The following CABLES1 variants were observed in gnomAD, a reference collection of about 807,000 sequenced individuals.
CABLES1 encodes Cdk5 and Abl enzyme substrate 1.
CABLES1 carries 36 observed loss-of-function variants against 57.8 expected under a neutral mutation model. The ratio of observed to expected loss-of-function variants is 0.62; its 90% CI spans 0.48 to 0.82. CABLES1 has a LOEUF of 0.82. CABLES1 is among the 40% of genes least tolerant of loss of function. The pLI, the probability that CABLES1 is intolerant of heterozygous loss-of-function variation, is 0.00. For missense variants in CABLES1, 767 were observed against 836.6 expected (o/e 0.92, Z 1.03); for synonymous variants, 374 against 363.0 (o/e 1.03, Z -0.35).
intron 2 of CABLES1, among the ~76,000 whole-genome samples, chr18:23,193,905 G>T (rs1392472033): frequency 6.6e-6 from 1 of 152,126 alleles, no homozygotes; most frequent in African/African-American, 2.4e-5. Context: ...CAACTAGTTG[G>T]GTCTCTGATT....
rs1037122600 is a variant in CABLES1, at chr18:23,180,085, A to AT, written c.846-8743dup. ...AGGCGCCCGCCACCACGCCCGGCTAATTTTTTTTTTAATTTTTAGTAGAGA... is the reference window on the plus strand; with the variant it reads ...AGGCGCCCGCCACCACGCCCGGCTAATTTTTTTTTTTAATTTTTAGTAGAGA... On this transcript the variant is annotated intron_variant, in intron 1 of 9. Transcript: ENST00000256925. Among the ~76,000 whole-genome samples the AT allele has an allele frequency of 9.4e-5, 14 of 149,658 alleles. 1 individual carries two copies. Among genetic ancestry groups the AT allele is most frequent in the South Asian group, 2.1e-4 (1 of 4,686 alleles).
intron 3 of CABLES1, among the ~76,000 whole-genome samples, chr18:23,206,817 CTTTT>C (rs774150949): frequency 1.5e-5 from 2 of 137,358 alleles, no homozygotes; most frequent in Non-Finnish European, 1.6e-5. Flanking sequence ...GTTTGTGCAC[CTTTT>C]TTTTTTTTTT....
At chr18:23,146,994 T>A (rs1291338939) in intron 1 of CABLES1, among the ~76,000 whole-genome samples, 1 of 152,202 alleles carries the variant, frequency 6.6e-6, no homozygotes, top group East Asian at 1.9e-4. Flanking sequence ...AAGGTCAGTA[T>A]GTTAAAGTAC....
chr18:23,257,533 T>A lies in CABLES1; in HGVS notation c.*166T>A. 1.4e-6 allele frequency: 1 copy of A among 728,386 alleles called. No individual in the cohort carries two copies. The highest frequency in any genetic ancestry group is 2.3e-5 in the South Asian group (1 of 43,684). 45.1% of individuals were successfully genotyped at this position (728,386 alleles called of 1,614,324 possible). A position where few individuals can be genotyped will look rare whatever the true frequency, so the allele number is the denominator to read the frequency against. ...TAGAAACTTTCCAAGGAGTCTTGGG[T>A]GTGTAGCCAAGAGGAGCCATGAGCT... On this transcript the variant is annotated 3_prime_UTR_variant, in exon 10 of 10. Coordinates refer to ENST00000256925, the MANE Select transcript of CABLES1 (RefSeq NM_001100619.3).
intron 1 of CABLES1, among the ~76,000 whole-genome samples, chr18:23,181,712 G>A (rs745972394): frequency 1.5e-4 from 23 of 152,164 alleles, no homozygotes; most frequent in Non-Finnish European, 2.9e-4. Flanking sequence ...CACACAGGCT[G>A]TGACAGCATG....
At chr18:23,138,677 CAG>C (rs2144945008) in intron 1 of CABLES1, among the ~76,000 whole-genome samples, 1 of 152,354 alleles carries the variant, frequency 6.6e-6, no homozygotes, top group Admixed American at 6.5e-5. Flanking sequence ...GCTGAGAGCA[CAG>C]ACTCACTTGA....
chr18:23,151,332 T>C (rs1014277437), intron 1 of CABLES1, among the ~76,000 whole-genome samples: 2 of 152,126 alleles, frequency 1.3e-5, no homozygotes, highest in Non-Finnish European at 2.9e-5. Flanking sequence ...TGGCCTACGT[T>C]TTAAGGTCCC....
intron 1 of CABLES1, among the ~76,000 whole-genome samples, chr18:23,140,506 G>A (rs185489824): frequency 1.5e-4 from 22 of 151,458 alleles, no homozygotes; most frequent in African/African-American, 3.6e-4. Context: ...GCGCCATCGC[G>A]GCTCACGGCA....
At chr18:23,155,856 C>T (rs2046961713) in intron 1 of CABLES1, 1 of 1,613,032 alleles carries the variant, frequency 6.2e-7, no homozygotes, top group Non-Finnish European at 8.5e-7. Context: ...TTGAATGACT[C>T]ATAAAATGAG....
At chr18:23,184,307 A>ATG (rs1958817619) in intron 1 of CABLES1, among the ~76,000 whole-genome samples, 9 of 136,890 alleles carry the variant, frequency 6.6e-5, no homozygotes, top group South Asian at 2.3e-4. Flanking sequence ...GCATACTGGC[A>ATG]CGTGTGTGTG....
In CABLES1 at chr18:23,257,244, C is replaced by A; in HGVS notation, c.1779C>A (p.Phe593Leu). The change falls in exon 10 of 10, where the codon TTC becomes TTA. Residue 593 changes from phenylalanine to leucine, a missense_variant. By Grantham distance (22) the Phe-to-Leu change is conservative. Coordinates refer to ENST00000256925, the MANE Select transcript of CABLES1 (RefSeq NM_001100619.3). ...TGTTGCAGAAACTGGAAGAGAAGTT[C>A]CGGCTGAACAGGCGAGAACTGATTG... ...KHLIDKLEEK[F>L]RLNRRELIAF... 6.2e-7 allele frequency: 1 copy of A among 1,605,280 alleles called. No homozygotes were observed. Among genetic ancestry groups the A allele is most frequent in the Non-Finnish European group, 8.5e-7 (1 of 1,178,084 alleles).
intron 4 of CABLES1, among the ~76,000 whole-genome samples, chr18:23,228,671 T>C (rs1598841514): frequency 8.1e-6 from 1 of 123,174 alleles, no homozygotes; most frequent in African/African-American, 3.2e-5. Flanking sequence ...ATCTTCTGAG[T>C]CCCTCCCTTT....
chr18:23,163,415 T>A (rs1234167199), intron 1 of CABLES1, among the ~76,000 whole-genome samples: 1 of 151,762 alleles, frequency 6.6e-6, no homozygotes, highest in East Asian at 1.9e-4. Flanking sequence ...GACAGAGAGA[T>A]GAGAAAAGTC....
intron 1 of CABLES1, among the ~76,000 whole-genome samples, chr18:23,171,803 T>G (rs1483765911): frequency 3.9e-5 from 6 of 152,104 alleles, no homozygotes; most frequent in Non-Finnish European, 8.8e-5. Context: ...CAGCCTCACA[T>G]CCCTGCCAAA....
chr18:23,138,219 G>A (rs1016483688), intron 1 of CABLES1, among the ~76,000 whole-genome samples: 30 of 152,090 alleles, frequency 2.0e-4, no homozygotes, highest in African/African-American at 7.0e-4. Context: ...AGATTACCTC[G>A]CACGCTTTCT....
chr18:23,206,674 C>CT (rs1005729014), intron 3 of CABLES1, among the ~76,000 whole-genome samples: 10 of 152,220 alleles, frequency 6.6e-5, no homozygotes, highest in African/African-American at 2.2e-4. Flanking sequence ...TTTTCCTAAT[C>CT]TTTTACAGTC....
intron 3 of CABLES1, among the ~76,000 whole-genome samples, chr18:23,195,018 C>T (rs1250942460): frequency 6.6e-6 from 1 of 152,178 alleles, no homozygotes; most frequent in Non-Finnish European, 1.5e-5. Flanking sequence ...GCAGATTCTT[C>T]CTCAGTGCTG....
intron 3 of CABLES1, among the ~76,000 whole-genome samples, chr18:23,199,617 A>G (rs2047309074): frequency 6.6e-6 from 1 of 152,208 alleles, no homozygotes; most frequent in Non-Finnish European, 1.5e-5. Context: ...ATATGACTCC[A>G]TTTAATTGAA....
intron 1 of CABLES1, among the ~76,000 whole-genome samples, chr18:23,175,207 A>C (rs2047114447): frequency 6.6e-6 from 1 of 152,202 alleles, no homozygotes; most frequent in Admixed American, 6.5e-5. Context: ...CAAAACAGCT[A>C]CACTGCTCTA....
Sources: allele counts gnomAD v4.1 joint callset (sites outside exome capture counted in the v4.1 genomes callset), GRCh38; gene constraint gnomAD v4.1.1; transcripts MANE v1.5; gene names NCBI Gene and HGNC (gene_info 2026-07-23, HGNC 2026-07-21).